The following PTPRT variants were observed in gnomAD, a reference collection of about 807,000 sequenced individuals.
PTPRT encodes protein tyrosine phosphatase receptor type T.
PTPRT carries 56 observed loss-of-function variants against 176.8 expected under a neutral mutation model. The ratio of observed to expected loss-of-function variants is 0.32; its 90% confidence interval spans 0.26 to 0.40. PTPRT has a LOEUF of 0.40. Ranked by LOEUF, PTPRT falls within the 10% of genes least tolerant of loss-of-function variation. The pLI is 1.00. For synonymous variants in PTPRT, 783 were observed against 739.0 expected, an observed-to-expected ratio of 1.06 and a Z score of -0.96; for missense variants, 1,540 against 1,908.2, an observed-to-expected ratio of 0.81 and a Z score of 3.60.
chr20:42,939,200 A>G (rs1980393641), intron 1 of PTPRT, among the ~76,000 whole-genome samples: 1 of 152,184 alleles, frequency 6.6e-6, no homozygotes, highest in Admixed American at 6.5e-5. Context: ...ATGCTTAAAC[A>G]TTTCGTCAAT....
intron 18 of PTPRT, among the ~76,000 whole-genome samples, chr20:42,138,821 A>C (rs1988493852): frequency 6.6e-6 from 1 of 152,172 alleles, no homozygotes; most frequent in Non-Finnish European, 1.5e-5. Context: ...GAAAGGAGAT[A>C]TTTCGCCAAG....
At chr20:42,688,727 T>C (rs2075742195) in intron 6 of PTPRT, among the ~76,000 whole-genome samples, 1 of 152,314 alleles carries the variant, frequency 6.6e-6, no homozygotes, top group South Asian at 2.1e-4. Context: ...CTAGAGGCCA[T>C]GATTTTAACT....
At chr20:43,063,999 C>T (rs1188549104) in intron 1 of PTPRT, among the ~76,000 whole-genome samples, 1 of 152,030 alleles carries the variant, frequency 6.6e-6, no homozygotes, top group Non-Finnish European at 1.5e-5. Context: ...TATATTTACC[C>T]GTGGACTTTC....
At chr20:42,799,881 CTA>C (rs1202388551) in intron 2 of PTPRT, among the ~76,000 whole-genome samples, 2 of 152,170 alleles carry the variant, frequency 1.3e-5, no homozygotes, top group African/African-American at 4.8e-5. Context: ...CTTTACCTGA[CTA>C]GTTAGTGGTA....
chr20:42,533,207 G>A (rs1272128644), intron 7 of PTPRT, among the ~76,000 whole-genome samples: 6 of 152,160 alleles, frequency 3.9e-5, no homozygotes, highest in Non-Finnish European at 8.8e-5. Flanking sequence ...TGATGAAATC[G>A]CTACTGGCCT....
At chr20:42,320,009 A>G (rs2057777150) in intron 11 of PTPRT, among the ~76,000 whole-genome samples, 1 of 152,076 alleles carries the variant, frequency 6.6e-6, no homozygotes, top group Non-Finnish European at 1.5e-5. Context: ...TTACTCATAC[A>G]TTTTCTCCTC....
chr20:42,697,016 T>C (rs6030421), intron 6 of PTPRT, among the ~76,000 whole-genome samples: 84 of 152,286 alleles, frequency 5.5e-4, no homozygotes, highest in African/African-American at 1.9e-3. Context: ...ACATACTCCA[T>C]AGATAGCTAA....
intron 13 of PTPRT, among the ~76,000 whole-genome samples, chr20:42,263,459 C>T (rs894302323): frequency 7.0e-6 from 1 of 142,472 alleles, no homozygotes; most frequent in Non-Finnish European, 1.5e-5. Flanking sequence ...CGGCTCGCTG[C>T]AACCTCCACC....
chr20:42,836,363 GCCA>G (rs562119538), intron 2 of PTPRT, among the ~76,000 whole-genome samples: 9 of 152,148 alleles, frequency 5.9e-5, no homozygotes, highest in Non-Finnish European at 1.2e-4. Context: ...AGACTTCAGT[GCCA>G]CCACCTGGTC....
At chr20:42,967,277 T>C (rs767484580) in intron 1 of PTPRT, among the ~76,000 whole-genome samples, 18 of 152,198 alleles carry the variant, frequency 1.2e-4, no homozygotes, top group Non-Finnish European at 2.5e-4. Flanking sequence ...TTAGCAGATG[T>C]AATTAATTTA....
At position 43,071,172 on chromosome 20, in the gene PTPRT, T is replaced by G. The variant is rs58686150; in HGVS notation, c.88+118474A>C. 3.4e-3 allele frequency among the ~76,000 whole-genome samples: 521 copies of G among 152,146 alleles called. 5 individuals are homozygous for G. The highest frequency in any genetic ancestry group is 0.012 in the African/African-American group (490 of 41,512). On this transcript the variant is annotated intron_variant, in intron 1 of 30. Coordinates refer to ENST00000373187, the MANE Select transcript of PTPRT (RefSeq NM_007050.6). ...TGGACACCAGCCAAGGCCACATCCTTGCGGAGCTCCTATCCCTGGCTGTCT... is the reference window on the plus strand; with the variant it reads ...TGGACACCAGCCAAGGCCACATCCTGGCGGAGCTCCTATCCCTGGCTGTCT...
intron 12 of PTPRT, among the ~76,000 whole-genome samples, chr20:42,305,815 A>T (rs956376553): frequency 3.9e-5 from 6 of 152,194 alleles, no homozygotes; most frequent in Admixed American, 1.3e-4. Context: ...AGAAACGGAA[A>T]AGCCAGTTCT....
At chr20:42,768,717 T>C (rs1029483870) in intron 5 of PTPRT, among the ~76,000 whole-genome samples, 4 of 152,230 alleles carry the variant, frequency 2.6e-5, no homozygotes, top group African/African-American at 9.6e-5. Flanking sequence ...ATTTATGATA[T>C]CTTGTCATGT....
chr20:42,504,434 AG>A, intron 7 of PTPRT, among the ~76,000 whole-genome samples: 1 of 152,322 alleles, frequency 6.6e-6, no homozygotes. Context: ...ATGTGCATAC[AG>A]GTTTAGAATT....
At chr20:42,551,255 A>G (rs1294606169) in intron 7 of PTPRT, among the ~76,000 whole-genome samples, 2 of 152,100 alleles carry the variant, frequency 1.3e-5, no homozygotes, top group Non-Finnish European at 2.9e-5. Context: ...TTGTTACTCT[A>G]TCATCATACC....
the PTPRT span, chr20:42,063,827 A>G: frequency 6.6e-6 from 1 of 152,024 alleles, no homozygotes; most frequent in Non-Finnish European, 1.5e-5. Flanking sequence ...TGGGAGCCCA[A>G]CTTTATTGGT....
At chr20:42,082,431 A>G (rs946608876) in intron 29 of PTPRT, among the ~76,000 whole-genome samples, 2 of 152,188 alleles carry the variant, frequency 1.3e-5, no homozygotes, top group Non-Finnish European at 2.9e-5. Flanking sequence ...TCCATGTCCA[A>G]AAGAATGCTC....
intron 7 of PTPRT, among the ~76,000 whole-genome samples, chr20:42,609,944 G>C (rs868301884): frequency 3.4e-4 from 52 of 152,192 alleles, no homozygotes; most frequent in African/African-American, 1.0e-3. Context: ...TGGCCTCCAG[G>C]AGCTGTTCTC....
intron 6 of PTPRT, among the ~76,000 whole-genome samples, chr20:42,707,383 T>C (rs2146187390): frequency 6.6e-6 from 1 of 152,268 alleles, no homozygotes; most frequent in Middle Eastern, 3.4e-3. Flanking sequence ...CATGGCACCC[T>C]TGACTCTAAG....
Sources: gnomAD v4.1 joint callset for allele counts (sites outside exome capture counted in the v4.1 genomes callset) on GRCh38, gnomAD v4.1.1 for gene constraint, MANE v1.5 for transcripts, NCBI Gene and HGNC (gene_info 2026-07-23, HGNC 2026-07-21) for gene names.